Variants in ATP2B2 observed in about 807,000 individuals in gnomAD.
ATP2B2 encodes plasma membrane calcium-transporting ATPase 2.
ATP2B2 carries 15 observed loss-of-function variants against 120.0 expected under a neutral mutation model. The observed-to-expected ratio is 0.12, with a 90% CI of 0.08 to 0.19. The LOEUF is 0.19. Ranked by LOEUF, ATP2B2 falls within the 10% of genes least tolerant of loss-of-function variation. The pLI, the probability that ATP2B2 is intolerant of heterozygous loss-of-function variation, is 1.00. For synonymous variants in ATP2B2, 694 were observed against 700.3 expected (o/e 0.99, Z 0.14); for missense variants, 1,045 against 1,719.8 (o/e 0.61, Z 6.94).
At chr3:10,576,143 GAGGTGTCCA>G (rs1380953721) in intron 2 of ATP2B2, among the ~76,000 whole-genome samples, 2 of 152,232 alleles carry the variant, frequency 1.3e-5, no homozygotes. Context: ...TTGCTGACTG[GAGGTGTCCA>G]GGCCTCCAGA....
At position 10,670,416 on chromosome 3, in the gene ATP2B2, TTTG is replaced by T. The variant is rs772466340; in HGVS notation, c.-460+37496_-460+37498del. On this transcript the variant is annotated intron_variant, in intron 1 of 21. Coordinates refer to the ATP2B2 transcript ENST00000646379. ...AAGTCTTGGTCCTGATATTGGGTTT[TTTG>T]TTGTTGTTGTTGTTTTAGACAGAAT... Among the ~76,000 whole-genome samples, 257 of 152,240 alleles carry T rather than the reference TTTG, an allele frequency of 1.7e-3. 1 individual carries two copies. Among genetic ancestry groups the T allele is most frequent in the African/African-American group, 4.8e-3 (199 of 41,536 alleles).
chr3:10,475,443 A>C (rs554301438), intron 1 of ATP2B2, among the ~76,000 whole-genome samples: 4 of 152,266 alleles, frequency 2.6e-5, no homozygotes, highest in Non-Finnish European at 5.9e-5. Flanking sequence ...GGACAACTGG[A>C]TGATTTATTG....
At position 10,388,371 on chromosome 3, in the gene ATP2B2, C is replaced by T; in HGVS notation, c.813G>A (p.Met271Ile). The T allele has an allele frequency of 1.9e-6, 3 of 1,614,192 alleles. No homozygotes were observed. The highest frequency in any genetic ancestry group is 2.5e-6 in the Non-Finnish European group (3 of 1,180,042). The change falls in exon 6 of 23, where the codon ATG becomes ATA. Residue 271 changes from methionine (M) to isoleucine (I), a missense_variant. Met to Ile is a conservative substitution (Grantham distance 10, BLOSUM62 1). Transcript: ENST00000360273. The stretch of plus-strand genomic sequence containing the variant: ...AGTTCACACCCACAGCAGTCACCAA[C>T]ATCCGTCCTGAGCCCTCCATCACGT... ...GTHVMEGSGR[M>I]LVTAVGVNSQ...
At chr3:10,671,098 G>A (rs2071083474) in intron 1 of ATP2B2, among the ~76,000 whole-genome samples, 1 of 152,172 alleles carries the variant, frequency 6.6e-6, no homozygotes, top group African/African-American at 2.4e-5. Context: ...TCTCTTCTGG[G>A]GCAGCAGGCA....
chr3:10,604,922 A>G (rs1284575818), intron 2 of ATP2B2, among the ~76,000 whole-genome samples: 1 of 152,054 alleles, frequency 6.6e-6, no homozygotes, highest in East Asian at 1.9e-4. Flanking sequence ...AGTGCATTCA[A>G]CTGTTCTTGT....
At chr3:10,353,446 C>T (rs901972022) in intron 14 of ATP2B2, among the ~76,000 whole-genome samples, 1 of 152,188 alleles carries the variant, frequency 6.6e-6, no homozygotes. Flanking sequence ...AGGGAACTGT[C>T]CACTCTGCAC....
At chr3:10,440,423 GAACA>G (rs2063625516) in intron 2 of ATP2B2, among the ~76,000 whole-genome samples, 1 of 152,214 alleles carries the variant, frequency 6.6e-6, no homozygotes, top group African/African-American at 2.4e-5. Flanking sequence ...TACACAGCAT[GAACA>G]AACAGACTAA....
intron 12 of ATP2B2, among the ~76,000 whole-genome samples, chr3:10,364,540 G>A (rs904709773): frequency 2.0e-5 from 3 of 151,782 alleles, no homozygotes; most frequent in East Asian, 1.9e-4. Context: ...TCAAAACCCC[G>A]TCTCTACTAA....
chr3:10,696,497 C>T (rs574649956), intron 1 of ATP2B2, among the ~76,000 whole-genome samples: 16 of 152,284 alleles, frequency 1.1e-4, no homozygotes, highest in African/African-American at 2.6e-4. Context: ...CTTTCCTCTC[C>T]GTGCCCACCT....
intron 3 of ATP2B2, among the ~76,000 whole-genome samples, chr3:10,526,456 C>T: frequency 6.6e-6 from 1 of 152,204 alleles, no homozygotes; most frequent in East Asian, 1.9e-4. Context: ...ATATCCCGCC[C>T]CCTCAGAGAT....
rs1342756729 is a variant in ATP2B2, at chr3:10,356,156, G to A, written c.2136+2535C>T. On this transcript the variant is annotated intron_variant, in intron 14 of 22. Transcript: ENST00000360273. ...TGTCCTTTCCTTTGTGCGTGTGTGC[G>A]TGTGTGTGTGTGTGTGTGTGTGTGT... Among the ~76,000 whole-genome samples, 4 of 64,548 alleles carry A rather than the reference G, an allele frequency of 6.2e-5. 1 individual carries two copies. The highest frequency in any genetic ancestry group is 1.4e-4 in the African/African-American group (3 of 21,290). The allele number at this position is 64,548 out of a possible 152,430, so 42.3% of individuals were successfully genotyped here.
intron 2 of ATP2B2, among the ~76,000 whole-genome samples, chr3:10,587,016 T>C (rs573726774): frequency 4.6e-5 from 7 of 152,248 alleles, no homozygotes; most frequent in African/African-American, 1.7e-4. Flanking sequence ...TAATCTATTG[T>C]GTTATAAATA....
intron 1 of ATP2B2, among the ~76,000 whole-genome samples, chr3:10,464,084 G>A (rs961697448): frequency 6.6e-6 from 1 of 152,178 alleles, no homozygotes; most frequent in Admixed American, 6.5e-5. Context: ...GCTGAAGTGT[G>A]ACCATGGGGG....
At chr3:10,532,888 G>C (rs2067238932) in intron 3 of ATP2B2, among the ~76,000 whole-genome samples, 1 of 152,190 alleles carries the variant, frequency 6.6e-6, no homozygotes, top group Non-Finnish European at 1.5e-5. Flanking sequence ...TAGAAGCTCA[G>C]GGTTGCATGC....
At chr3:10,454,639 G>A (rs2064187992) in intron 1 of ATP2B2, among the ~76,000 whole-genome samples, 1 of 152,126 alleles carries the variant, frequency 6.6e-6, no homozygotes, top group Non-Finnish European at 1.5e-5. Context: ...TGCTTGCTCT[G>A]ACAGCAAGAT....
intron 22 of ATP2B2, among the ~76,000 whole-genome samples, chr3:10,331,477 G>A (rs1340093912): frequency 1.3e-5 from 2 of 152,172 alleles, no homozygotes; most frequent in Non-Finnish European, 2.9e-5. Flanking sequence ...GACTGACAAC[G>A]CAGAGGGGAT....
At chr3:10,418,852 C>G (rs539615997) in intron 2 of ATP2B2, among the ~76,000 whole-genome samples, 1 of 152,316 alleles carries the variant, frequency 6.6e-6, no homozygotes, top group African/African-American at 2.4e-5. Context: ...CCCAGGCCAC[C>G]GGGGTAGCAG....
chr3:10,648,266 C>A (rs940640361), intron 1 of ATP2B2, among the ~76,000 whole-genome samples: 2 of 152,198 alleles, frequency 1.3e-5, no homozygotes, highest in East Asian at 3.9e-4. Flanking sequence ...CACCCCTCCA[C>A]CTGGAGACAA....
At chr3:10,472,453 T>C (rs1386176970) in intron 1 of ATP2B2, among the ~76,000 whole-genome samples, 1 of 152,118 alleles carries the variant, frequency 6.6e-6, no homozygotes, top group Non-Finnish European at 1.5e-5. Flanking sequence ...TGTTCCAAGG[T>C]CGCAGGAACC....
Sources: gnomAD v4.1 joint callset for allele counts (sites outside exome capture counted in the v4.1 genomes callset) on GRCh38, gnomAD v4.1.1 for gene constraint, MANE v1.5 for transcripts, NCBI Gene and HGNC (gene_info 2026-07-23, HGNC 2026-07-21) for gene names.